The following RYR3 variants were observed in gnomAD, a reference collection of about 807,000 sequenced individuals.
RYR3 encodes the protein brain ryanodine receptor-calcium release channel.
A neutral mutation model predicts 584.3 loss-of-function variants in RYR3; 207 were observed. The ratio of observed to expected loss-of-function variants is 0.35; its 90% CI spans 0.32 to 0.40. The LOEUF is 0.40. Ranked by LOEUF, RYR3 falls within the 10% of genes least tolerant of loss-of-function variation. RYR3 has a pLI of 1.00. For synonymous variants in RYR3, 2,416 were observed against 2,248.5 expected, an observed-to-expected ratio of 1.07 and a Z score of -2.11; for missense variants, 5,616 against 6,089.2, an observed-to-expected ratio of 0.92 and a Z score of 2.59.
intron 1 of RYR3, among the ~76,000 whole-genome samples, chr15:33,438,500 T>G (rs1261969245): frequency 6.6e-6 from 1 of 152,046 alleles, no homozygotes; most frequent in East Asian, 1.9e-4. Context: ...GGCCACCGAG[T>G]CCCAACCCCA....
At chr15:33,608,567 G>C (rs568652239) in intron 18 of RYR3, among the ~76,000 whole-genome samples, 1 of 152,256 alleles carries the variant, frequency 6.6e-6, no homozygotes, top group South Asian at 2.1e-4. Context: ...TATGAGATGG[G>C]CTCTCTTATC....
At chr15:33,804,563 C>CCTTATTCCTATATTCT (rs2152934875) in intron 69 of RYR3, among the ~76,000 whole-genome samples, 1 of 152,346 alleles carries the variant, frequency 6.6e-6, no homozygotes, top group South Asian at 2.1e-4. Flanking sequence ...TCAGTTTCAA[C>CCTTATTCCTATATTCT]AGTATCTCTA....
chr15:33,843,424 G>A, intron 91 of RYR3, 64 bp from the exon 92 acceptor site: 2 of 1,147,462 alleles, frequency 1.7e-6, no homozygotes, highest in Non-Finnish European at 2.6e-6. Context: ...CCTTCTGTGT[G>A]AAAGTAGGAA....
At chr15:33,312,611 T>G (rs1967498315) in intron 1 of RYR3, among the ~76,000 whole-genome samples, 1 of 152,212 alleles carries the variant, frequency 6.6e-6, no homozygotes, top group Non-Finnish European at 1.5e-5. Context: ...TCTTTAGTAG[T>G]GGATGGGTGG....
chr15:33,721,406 G>A (rs889929182), intron 43 of RYR3, among the ~76,000 whole-genome samples: 4 of 152,184 alleles, frequency 2.6e-5, no homozygotes, highest in Admixed American at 6.5e-5. Context: ...TACAAATACT[G>A]CAAGATAACA....
intron 12 of RYR3, among the ~76,000 whole-genome samples, chr15:33,579,525 T>TA (rs1290461192): frequency 1.5e-4 from 22 of 151,646 alleles, no homozygotes; most frequent in East Asian, 7.7e-4. Context: ...GTTTTTATTT[T>TA]AAAAAAAAAT....
chr15:33,807,958 C>G (rs941105579), intron 70 of RYR3, among the ~76,000 whole-genome samples: 2 of 152,236 alleles, frequency 1.3e-5, no homozygotes, highest in Admixed American at 1.3e-4. Flanking sequence ...GGTCTCAGCC[C>G]TTTCACACTG....
chr15:33,405,472 G>T (rs555406899), intron 1 of RYR3, among the ~76,000 whole-genome samples: 4 of 152,192 alleles, frequency 2.6e-5, no homozygotes, highest in Non-Finnish European at 5.9e-5. Flanking sequence ...TAGAAAGAAA[G>T]AGTTGAAGAA....
intron 1 of RYR3, among the ~76,000 whole-genome samples, chr15:33,330,340 T>C (rs1231175837): frequency 6.6e-6 from 1 of 152,240 alleles, no homozygotes; most frequent in African/African-American, 2.4e-5. Context: ...CTTTGTTTTC[T>C]CTGTCTTTGC....
intron 1 of RYR3, among the ~76,000 whole-genome samples, chr15:33,354,243 AC>A (rs1973663256): frequency 6.6e-6 from 1 of 152,204 alleles, no homozygotes; most frequent in Non-Finnish European, 1.5e-5. Flanking sequence ...TGCAGCATCT[AC>A]CAAGAAACCA....
chr15:33,609,334 C>T (rs935845125), intron 18 of RYR3, among the ~76,000 whole-genome samples: 3 of 152,214 alleles, frequency 2.0e-5, no homozygotes, highest in East Asian at 1.9e-4. Context: ...TTCGGGAGGC[C>T]GAGATGGGAG....
intron 1 of RYR3, among the ~76,000 whole-genome samples, chr15:33,357,819 C>A (rs942435817): frequency 2.0e-5 from 3 of 152,164 alleles, no homozygotes; most frequent in African/African-American, 7.2e-5. Flanking sequence ...CAGCACCGCC[C>A]CCAGCAGTCA....
chr15:33,325,884 C>T (rs1210211663), intron 1 of RYR3, among the ~76,000 whole-genome samples: 1 of 152,052 alleles, frequency 6.6e-6, no homozygotes, highest in East Asian at 1.9e-4. Flanking sequence ...CCACTGCAGC[C>T]TCCATCTCTC....
At chr15:33,529,388 A>G (rs1022315927) in intron 3 of RYR3, among the ~76,000 whole-genome samples, 1 of 152,164 alleles carries the variant, frequency 6.6e-6, no homozygotes, top group Non-Finnish European at 1.5e-5. Flanking sequence ...TTGAAATAAA[A>G]TTACTCCAGG....
intron 48 of RYR3, among the ~76,000 whole-genome samples, chr15:33,735,432 A>T (rs987441982): frequency 3.9e-5 from 6 of 152,202 alleles, no homozygotes; most frequent in Non-Finnish European, 2.9e-5. Context: ...CCAACATTTA[A>T]CAAAGGGGTG....
Position 33,644,375 on chromosome 15 carries a change from C to G in RYR3, c.3621C>G (p.Ala1207=), listed in dbSNP as rs1436376631. The G allele has an allele frequency of 6.2e-7, 1 of 1,613,386 alleles. No homozygotes were observed. The highest frequency in any genetic ancestry group is 8.5e-7 in the Non-Finnish European group (1 of 1,179,698). The change falls in exon 28 of 104, where the codon GCC becomes GCG. Residue 1207 remains alanine (A), a synonymous_variant. Transcript: ENST00000634891. The stretch of plus-strand genomic sequence containing the variant: ...GCCGCATGAATCTCGGGACAGATGC[C>G]AGTACCTTCAAGTTTTATACCATGT... ...QIGRMNLGTD[A]STFKFYTMCG... is the part of the protein sequence containing the mutation.
rs2059758836 is a variant in RYR3, at chr15:33,603,237, T to A, written c.2037T>A (p.His679Gln). 7 of 1,613,906 alleles carry A rather than the reference T, an allele frequency of 4.3e-6. No individual in the cohort carries two copies. The highest frequency in any genetic ancestry group is 4.2e-6 in the Non-Finnish European group (5 of 1,179,854). The change falls in exon 18 of 104, where the codon CAT becomes CAA. Residue 679 changes from histidine to glutamine, a missense_variant. Transcript: ENST00000634891. ...VDPFLTAEPT[H>Q]LRVGWASSSG... The stretch of plus-strand genomic sequence containing the variant: ...CCTTCCTAACAGCAGAGCCCACACA[T>A]CTGCGGGTGGGCTGGGCCTCTTCTT...
At chr15:33,755,265 T>C (rs753943411) in intron 58 of RYR3, 85 bp downstream of exon 58, 8 of 838,540 alleles carry the variant, frequency 9.5e-6, no homozygotes, top group Non-Finnish European at 1.6e-5. Context: ...TTTTTATGAT[T>C]CATTTAGGTG....
chr15:33,496,955 T>C (rs1485020533), intron 2 of RYR3, among the ~76,000 whole-genome samples: 1 of 152,184 alleles, frequency 6.6e-6, no homozygotes, highest in Non-Finnish European at 1.5e-5. Flanking sequence ...ACAGAAACCA[T>C]GCCTTACTTC....
Sources: gnomAD v4.1 joint callset for allele counts (sites outside exome capture counted in the v4.1 genomes callset) on GRCh38, gnomAD v4.1.1 for gene constraint, MANE v1.5 for transcripts, NCBI Gene and HGNC (gene_info 2026-07-23, HGNC 2026-07-21) for gene names.